CCNB2: variants seen among roughly 807,000 people sequenced by gnomAD.
CCNB2 encodes the protein G2/mitotic-specific cyclin-B2.
Under a neutral mutation model 51.1 loss-of-function variants are expected in CCNB2, and 39 were observed. The ratio of observed to expected loss-of-function variants is 0.76; its 90% CI spans 0.59 to 1.00. CCNB2 has a LOEUF of 1.00. Ranked by LOEUF, CCNB2 falls within the 50% of genes least tolerant of loss-of-function variation. The pLI is 0.00. For missense variants in CCNB2, 472 were observed against 470.3 expected (o/e 1.00, Z -0.03); for synonymous variants, 174 against 165.5 (o/e 1.05, Z -0.40).
intron 1 of CCNB2, 21 bp from the exon 2 acceptor site, chr15:59,107,301 A>ATT: frequency 7.0e-7 from 1 of 1,420,134 alleles, no homozygotes. Flanking sequence ...AGGTTTCATT[A>ATT]CTTTTTTTTT....
chr15:59,120,821 A>C (rs936519195), intron 7 of CCNB2, among the ~76,000 whole-genome samples: 5 of 152,346 alleles, frequency 3.3e-5, no homozygotes, highest in Middle Eastern at 3.4e-3. Flanking sequence ...ACAAAACTGC[A>C]CATCTATGAT....
rs1268796620 is a variant in CCNB2 at position 59,107,460 on chromosome 15, A to G, written c.153+10A>G. 1 of 1,614,144 alleles carries G rather than the reference A, an allele frequency of 6.2e-7. No homozygotes were observed. Among genetic ancestry groups the G allele is most frequent in the Admixed American group, 1.7e-5 (1 of 60,006 alleles). ...AGCACAAGTAGCTAAGGTAACAATGATGAAGACTGAATGTGAATACAGAGG... is the reference window on the plus strand; with the variant it reads ...AGCACAAGTAGCTAAGGTAACAATGGTGAAGACTGAATGTGAATACAGAGG... On this transcript the variant is annotated intron_variant, in intron 2 of 8. Coordinates refer to ENST00000288207, the MANE Select transcript of CCNB2 (RefSeq NM_004701.4).
At chr15:59,106,750 A>T (rs2079237150) in intron 1 of CCNB2, among the ~76,000 whole-genome samples, 1 of 152,228 alleles carries the variant, frequency 6.6e-6, no homozygotes, top group Non-Finnish European at 1.5e-5. Context: ...ATTCTATGGC[A>T]ACCTCATTTT....
chr15:59,124,652 A>G, intron 8 of CCNB2, 115 bp from the exon 9 acceptor site: 1 of 756,676 alleles, frequency 1.3e-6, no homozygotes, highest in Non-Finnish European at 2.3e-6. Flanking sequence ...GCGATTGGGC[A>G]TCATCAATGT....
At chr15:59,122,531 T>C (rs535254687) in intron 7 of CCNB2, among the ~76,000 whole-genome samples, 55 of 146,474 alleles carry the variant, frequency 3.8e-4, no homozygotes, top group South Asian at 2.1e-3. Context: ...GGCCTTTTTT[T>C]TTTTTCTTTT....
chr15:59,116,963 T>G, intron 6 of CCNB2, 37 bp downstream of exon 6: 1 of 1,517,258 alleles, frequency 6.6e-7, no homozygotes, highest in Non-Finnish European at 9.1e-7. Flanking sequence ...CTATTTTTGC[T>G]TGGTGTCTCA....
Position 59,107,566 on chromosome 15 carries a change from A to T in CCNB2, c.163A>T (p.Asn55Tyr). The change falls in exon 3 of 9, where the codon AAC becomes TAC. Residue 55 changes from asparagine (N) to tyrosine (Y), a missense_variant. Asn to Tyr is a moderately radical substitution (Grantham distance 143). Transcript: ENST00000288207. ...TTCTTTTTCCTTATAGAAAGCTCAG[A>T]ACACCAAAGTTCCAGTTCAACCCAC... is the stretch of plus-strand genomic sequence containing the variant. Reference protein sequence around the residue: ...RAAQVAKKAQNTKVPVQPTKT... With the variant: ...RAAQVAKKAQYTKVPVQPTKT... 1 of 1,614,206 alleles carries T rather than the reference A, an allele frequency of 6.2e-7. No individual in the cohort carries two copies. The highest frequency in any genetic ancestry group is 8.5e-7 in the Non-Finnish European group (1 of 1,180,038).
intron 3 of CCNB2, among the ~76,000 whole-genome samples, chr15:59,112,433 C>T (rs1398894502): frequency 1.3e-5 from 2 of 151,924 alleles, no homozygotes; most frequent in African/African-American, 4.8e-5. Context: ...CAACCTCTGC[C>T]TCCCAGGTTC....
chr15:59,122,224 A>G (rs1274217783), intron 7 of CCNB2, among the ~76,000 whole-genome samples: 4 of 149,022 alleles, frequency 2.7e-5, no homozygotes, highest in Non-Finnish European at 5.9e-5. Context: ...ACTCTTAAAT[A>G]AAGTCAGTTG....
At chr15:59,105,895 T>C (rs185455639) in intron 1 of CCNB2, among the ~76,000 whole-genome samples, 58 of 152,368 alleles carry the variant, frequency 3.8e-4, no homozygotes, top group African/African-American at 3.1e-4. Context: ...TTAATTTCTT[T>C]ACTCAAATGT....
In CCNB2 at chr15:59,116,694, A is replaced by G. The variant is rs1418290201; in HGVS notation, c.602A>G (p.Gln201Arg). 2.5e-6 allele frequency: 4 copies of G among 1,607,186 alleles called. No homozygotes were observed. The highest frequency in any genetic ancestry group is 2.2e-5 in the South Asian group (2 of 90,834). The change falls in exon 6 of 9, where the codon CAG (glutamine) becomes CGG (arginine). Residue 201 changes from glutamine to arginine, a missense_variant. Gln to Arg is a conservative substitution (Grantham distance 43). Coordinates refer to ENST00000288207, the MANE Select transcript of CCNB2 (RefSeq NM_004701.4). Reference sequence around the variant, plus strand: ...GTTACATTAATTTTCCATTAGGTTCAGCCAGTTTCCCGGAAGAAGCTTCAA... The same window carrying G: ...GTTACATTAATTTTCCATTAGGTTCGGCCAGTTTCCCGGAAGAAGCTTCAA... ...VGIMDRFLQV[Q>R]PVSRKKLQLV...
Position 59,112,756 on chromosome 15 carries a change from T to C in CCNB2, c.268-1688T>C, listed in dbSNP as rs74386408. 8.6e-3 allele frequency among the ~76,000 whole-genome samples: 1,304 copies of C among 152,038 alleles called. 14 individuals carry two copies. The highest frequency in any genetic ancestry group is 0.03 in the African/African-American group (1,249 of 41,488). Reference sequence around the variant, plus strand: ...TTTTTTTTGAAAGCATTGATTTGGCTGGGTGCAGTGGCTCAAGCCTGTAAT... The same window carrying C: ...TTTTTTTTGAAAGCATTGATTTGGCCGGGTGCAGTGGCTCAAGCCTGTAAT... On this transcript the variant is annotated intron_variant, in intron 3 of 8. Transcript: ENST00000288207.
At chr15:59,111,856 C>CTTTTTTTTTTT (rs11327656) in intron 3 of CCNB2, among the ~76,000 whole-genome samples, 1 of 133,984 alleles carries the variant, frequency 7.5e-6, no homozygotes, top group Non-Finnish European at 1.6e-5. Context: ...TTCTTTCTTT[C>CTTTTTTTTTTT]TTTTTTTTTT....
At chr15:59,119,835 G>A (rs28739021) in intron 7 of CCNB2, among the ~76,000 whole-genome samples, 6,492 of 152,054 alleles carry the variant, frequency 0.043, 254 homozygotes, top group African/African-American at 0.1. Context: ...AGCCTCCCAC[G>A]TAACTGGGAC....
At chr15:59,118,960 G>A (rs1230731698) in intron 7 of CCNB2, among the ~76,000 whole-genome samples, 1 of 152,196 alleles carries the variant, frequency 6.6e-6, no homozygotes, top group African/African-American at 2.4e-5. Flanking sequence ...AAGAAAGTGT[G>A]TGTATGTATA....
At chr15:59,106,032 G>A (rs553834153) in intron 1 of CCNB2, among the ~76,000 whole-genome samples, 1 of 152,254 alleles carries the variant, frequency 6.6e-6, no homozygotes, top group Admixed American at 6.5e-5. Context: ...CTGTGGGCTT[G>A]AATTGTACCG....
At chr15:59,115,022 G>T in intron 5 of CCNB2, 146 bp downstream of exon 5, 1 of 838,270 alleles carries the variant, frequency 1.2e-6, no homozygotes, top group Non-Finnish European at 1.9e-6. Flanking sequence ...GACTAAAAAG[G>T]GAAGTAATCC....
chr15:59,124,594 G>A lies in CCNB2; in HGVS notation c.1087-173G>A, dbSNP rs563135080. The A allele has an allele frequency of 9.9e-6, 6 of 605,062 alleles. No homozygotes were observed. In the Admixed American group the frequency reaches 1.4e-4, roughly 14 times the overall value. 37.5% of individuals were successfully genotyped at this position (605,062 alleles called of 1,614,324 possible). A position where few individuals can be genotyped will look rare whatever the true frequency, so the allele number is the denominator to read the frequency against. On this transcript the variant is annotated intron_variant, in intron 8 of 8. Transcript: ENST00000288207. ...GTTTTATTCATTAATGGGGATGGAAGGAAATGGTCAGGCACATGTTATGAG... is the reference window on the plus strand; with the variant it reads ...GTTTTATTCATTAATGGGGATGGAAAGAAATGGTCAGGCACATGTTATGAG...
chr15:59,112,879 A>G (rs1362444165), intron 3 of CCNB2, among the ~76,000 whole-genome samples: 1 of 151,770 alleles, frequency 6.6e-6, no homozygotes, highest in Non-Finnish European at 1.5e-5. Flanking sequence ...CTAAAAATAC[A>G]AAAAATTAGG....
Sources: gnomAD v4.1 joint callset for allele counts (sites outside exome capture counted in the v4.1 genomes callset) on GRCh38, gnomAD v4.1.1 for gene constraint, MANE v1.5 for transcripts, NCBI Gene and HGNC (gene_info 2026-07-23, HGNC 2026-07-21) for gene names.